LMOD1: variants seen among roughly 807,000 people sequenced by gnomAD.
LMOD1 encodes leiomodin-1.
In LMOD1, 8 loss-of-function variants were observed where a neutral mutation model predicts 36.5. That is an observed-to-expected ratio of 0.22 (90% confidence interval 0.13 to 0.40). The LOEUF (loss-of-function observed/expected upper bound fraction) is 0.40. Ranked by LOEUF, LMOD1 falls within the 10% of genes least tolerant of loss-of-function variation. The pLI is 1.00. For synonymous variants in LMOD1, 284 were observed against 288.7 expected (o/e 0.98, Z 0.17); for missense variants, 630 against 751.1 (o/e 0.84, Z 1.88).
rs755300155 is a variant in LMOD1, at chr1:201,899,532, T to A, written c.1481A>T (p.Asp494Val). The A allele has an allele frequency of 1.2e-6, 2 of 1,613,908 alleles. No individual in the cohort carries two copies. Among genetic ancestry groups the A allele is most frequent in the South Asian group, 1.1e-5 (1 of 91,062 alleles). ...QAQEAKGEKK[D>V]LLEVPKAGAV... ...CCCGGCCTTGGGTACCTCCAGCAGATCCTTCTTCTCTCCCTTGGCTTCCTG... is the reference window on the plus strand; with the variant it reads ...CCCGGCCTTGGGTACCTCCAGCAGAACCTTCTTCTCTCCCTTGGCTTCCTG... Residue 494 changes from aspartate (D) to valine (V), a missense_variant, in exon 2 of 3, where the codon GAT (aspartate) becomes GTT (valine). By Grantham distance (152) the Asp-to-Val change is radical. This residue lies in a region of LMOD1 where 144 missense variants were observed against 169.8 expected (regional missense o/e 0.85). Coordinates refer to ENST00000367288, the MANE Select transcript of LMOD1 (RefSeq NM_012134.3). This position sits in a 1 kb window ranked among gnomAD's most constrained non-coding sequence, Gnocchi z 6.3.
At chr1:201,921,260 C>G (rs1249268607) in intron 1 of LMOD1, among the ~76,000 whole-genome samples, 1 of 151,846 alleles carries the variant, frequency 6.6e-6, no homozygotes, top group Non-Finnish European at 1.5e-5. Flanking sequence ...GAGGCTGAGG[C>G]GGGCAGATCA....
rs755495327 is a variant in LMOD1, at chr1:201,899,697, T to C, written c.1316A>G (p.Lys439Arg). 1 of 1,614,070 alleles carries C rather than the reference T, an allele frequency of 6.2e-7. No individual in the cohort carries two copies. Among genetic ancestry groups the C allele is most frequent in the Non-Finnish European group, 8.5e-7 (1 of 1,179,902 alleles). The change falls in exon 2 of 3, where the codon AAG becomes AGG. Residue 439 changes from lysine (K) to arginine (R), a missense_variant. Transcript: ENST00000367288. The surrounding 1 kb of genome is among the most constrained non-coding windows in gnomAD (Gnocchi z 6.3). ...CAGGGTAGTATTCTCCTTCAGCAGC[T>C]TGGCGATCTCCATCTCCGTCTTGCC... Reference protein sequence around the residue: ...CGGKTEMEIAKLLKENTTLLK... With the variant: ...CGGKTEMEIARLLKENTTLLK...
At chr1:201,907,016 G>A (rs1311375659) in intron 1 of LMOD1, among the ~76,000 whole-genome samples, 1 of 152,210 alleles carries the variant, frequency 6.6e-6, no homozygotes, top group Non-Finnish European at 1.5e-5. Flanking sequence ...GTCCTCTACT[G>A]AGGCTAGGCC....
chr1:201,900,324 G>A lies in LMOD1; in HGVS notation c.689C>T (p.Thr230Ile), dbSNP rs1333761204. The A allele has an allele frequency of 1.3e-6, 2 of 1,590,666 alleles. No homozygotes were observed. Among genetic ancestry groups the A allele is most frequent in the Non-Finnish European group, 1.7e-6 (2 of 1,167,606 alleles). Reference protein sequence around the residue: ...DEKVKGERRNTDTRKEGEKMK... With the variant: ...DEKVKGERRNIDTRKEGEKMK... ...CTTCTCACCCTCTTTTCTGGTGTCT[G>A]TGTTCCTACGCTCCCCTTTTACCTT... The change falls in exon 2 of 3, where the codon ACA (threonine) becomes ATA (isoleucine). Residue 230 changes from threonine (T) to isoleucine (I), a missense_variant. By Grantham distance (89) the Thr-to-Ile change is moderately conservative (BLOSUM62 -1). Around this residue, in one of 3 missense-constraint regions of LMOD1, gnomAD observed 405 missense variants for 400.6 expected, o/e 1.01. Transcript: ENST00000367288.
chr1:201,927,230 C>G (rs553203417), intron 1 of LMOD1, among the ~76,000 whole-genome samples: 18 of 152,144 alleles, frequency 1.2e-4, no homozygotes, highest in Non-Finnish European at 1.6e-4. Flanking sequence ...ACCACTGGAA[C>G]ACTTGAGTCT....
intron 1 of LMOD1, among the ~76,000 whole-genome samples, chr1:201,940,481 G>A (rs1279135268): frequency 2.0e-5 from 3 of 151,984 alleles, no homozygotes; most frequent in Non-Finnish European, 2.9e-5. Context: ...CACGGCACCC[G>A]GCCTAACCAA....
rs979574737 is a variant in LMOD1 at position 201,902,075 on chromosome 1, G to A, written c.262-1324C>T. 2.0e-5 allele frequency among the ~76,000 whole-genome samples: 3 copies of A among 151,288 alleles called. No homozygotes were observed. In the South Asian group the frequency reaches 6.3e-4, roughly 32 times the overall value. On this transcript the variant is annotated intron_variant, in intron 1 of 2. Transcript: ENST00000367288. The stretch of plus-strand genomic sequence containing the variant: ...GCCTCCCAAAGTGCTGAGATCACAG[G>A]TGTGAGCTGCCATGCCCATCCGATA...
In LMOD1 at chr1:201,898,547, T is replaced by G. The variant is rs2102906702; in HGVS notation, c.1777-149A>C. 4 of 639,668 alleles carry G rather than the reference T, an allele frequency of 6.3e-6. No homozygotes were observed. The East Asian group carries it at 1.2e-4, about 20-fold the overall frequency. The allele number at this position is 639,668 out of a possible 1,614,324, so 39.6% of individuals were successfully genotyped here. On this transcript the variant is annotated intron_variant, in intron 2 of 2. Transcript: ENST00000367288. Reference sequence around the variant, plus strand: ...CACTGAGGGAGCATTTTTCATTGTCTGTAAAAATTGGATGTCATTGAGTGA... The same window carrying G: ...CACTGAGGGAGCATTTTTCATTGTCGGTAAAAATTGGATGTCATTGAGTGA...
intron 1 of LMOD1, among the ~76,000 whole-genome samples, chr1:201,935,614 T>C (rs535121940): frequency 7.6e-4 from 116 of 152,086 alleles, no homozygotes; most frequent in African/African-American, 2.7e-3. Flanking sequence ...TGGAGTGCAG[T>C]GGCATGATCT....
At chr1:201,944,885 C>G (rs529846466) in intron 1 of LMOD1, among the ~76,000 whole-genome samples, 1 of 152,256 alleles carries the variant, frequency 6.6e-6, no homozygotes, top group East Asian at 1.9e-4. Context: ...AATTTCATAC[C>G]CAGCCAGTCA....
At chr1:201,904,637 G>T (rs1227813038) in intron 1 of LMOD1, among the ~76,000 whole-genome samples, 5 of 152,186 alleles carry the variant, frequency 3.3e-5, no homozygotes, top group Non-Finnish European at 7.3e-5. Context: ...GCAAGGATCT[G>T]CCAAGTGTCT....
chr1:201,904,510 T>G (rs1431976679), intron 1 of LMOD1, among the ~76,000 whole-genome samples: 1 of 152,146 alleles, frequency 6.6e-6, no homozygotes, highest in Non-Finnish European at 1.5e-5. Context: ...ACGCCCAGCC[T>G]CAATTTAACC....
At chr1:201,903,728 CATGGT>C (rs1385316142) in intron 1 of LMOD1, among the ~76,000 whole-genome samples, 1 of 152,084 alleles carries the variant, frequency 6.6e-6, no homozygotes, top group African/African-American at 2.4e-5. Flanking sequence ...TCTCTAGGCC[CATGGT>C]CTAGAGATTA....
At position 201,941,153 on chromosome 1, in the gene LMOD1, T is replaced by C. The variant is rs141061296; in HGVS notation, c.261+4927A>G. ...TTTTAATTTTTTAGAGATGGGGTCT[T>C]GCTATGTTGCCCAGGCTAGTCTCGA... is the stretch of plus-strand genomic sequence containing the variant. On this transcript the variant is annotated intron_variant, in intron 1 of 2. Coordinates refer to ENST00000367288, the MANE Select transcript of LMOD1 (RefSeq NM_012134.3). Among the ~76,000 whole-genome samples the C allele has an allele frequency of 6.0e-3, 917 of 151,634 alleles. 10 individuals carry two copies. The highest frequency in any genetic ancestry group is 0.021 in the African/African-American group (879 of 41,288).
intron 2 of LMOD1, among the ~76,000 whole-genome samples, 197 bp from the exon 3 acceptor site, chr1:201,898,595 T>A: frequency 6.6e-6 from 1 of 152,194 alleles, no homozygotes; most frequent in East Asian, 1.9e-4. Flanking sequence ...CAATTGAGAT[T>A]TTCCTTTATC....
intron 1 of LMOD1, among the ~76,000 whole-genome samples, chr1:201,910,333 G>A (rs1454209712): frequency 6.6e-6 from 1 of 151,254 alleles, no homozygotes; most frequent in African/African-American, 2.4e-5. Context: ...GAGTACAGTG[G>A]CGCAATCATG....
chr1:201,912,611 C>A (rs1482247724), intron 1 of LMOD1, among the ~76,000 whole-genome samples: 2 of 152,204 alleles, frequency 1.3e-5, no homozygotes, highest in Non-Finnish European at 2.9e-5. Flanking sequence ...GTAATCCCAG[C>A]ACTTTGGGAG....
rs1466207675 is a variant in LMOD1 at position 201,899,569 on chromosome 1, G to T, written c.1444C>A (p.Gln482Lys). 1 of 1,613,336 alleles carries T rather than the reference G, an allele frequency of 6.2e-7. No individual in the cohort carries two copies. Among genetic ancestry groups the T allele is most frequent in the Non-Finnish European group, 8.5e-7 (1 of 1,179,670 alleles). ...CCCTTGGCTTCCTGTGCCTGCCTTT[G>T]CTCCTGCAGCCGCTTTTGTCTCTGC... ...DKQRQKRLQE[Q>K]RQAQEAKGEK... Residue 482 changes from glutamine (Q) to lysine (K), a missense_variant, in exon 2 of 3, where the codon CAA (glutamine) becomes AAA (lysine). Around this residue, in one of 3 missense-constraint regions of LMOD1, gnomAD observed 144 missense variants for 169.8 expected, o/e 0.85. Coordinates refer to ENST00000367288, the MANE Select transcript of LMOD1 (RefSeq NM_012134.3). The surrounding 1 kb of genome is among the most constrained non-coding windows in gnomAD (Gnocchi z 6.3).
In LMOD1 at chr1:201,946,215, G is replaced by A. The variant is rs1042937450; in HGVS notation, c.126C>T (p.Asp42=). The part of the protein sequence containing the change: ...LEKELDVVDP[D]GSVPVGLRQR... Reference sequence around the variant, plus strand: ...GCCGCAGCCCCACGGGAACACTCCCGTCTGGGTCCACCACGTCCAGCTCCT... The same window carrying A: ...GCCGCAGCCCCACGGGAACACTCCCATCTGGGTCCACCACGTCCAGCTCCT... The change falls in exon 1 of 3, where the codon GAC becomes GAT. Residue 42 remains aspartate (D), a synonymous_variant. Transcript: ENST00000367288. The A allele has an allele frequency of 1.9e-6, 3 of 1,613,992 alleles. No homozygotes were observed. Among genetic ancestry groups the A allele is most frequent in the Non-Finnish European group, 1.7e-6 (2 of 1,179,890 alleles).
Sources: gnomAD v4.1 joint callset for allele counts (sites outside exome capture counted in the v4.1 genomes callset) on GRCh38, gnomAD v4.1.1 for gene constraint, gnomAD v4.1.1 regional missense constraint, Gnocchi (gnomAD v3.1) non-coding constraint, MANE v1.5 for transcripts, NCBI Gene and HGNC (gene_info 2026-07-23, HGNC 2026-07-21) for gene names.